INVS: variants seen among roughly 807,000 people sequenced by gnomAD.
The protein encoded by INVS is inversin, also known as inversion of embryo turning homolog.
Under a neutral mutation model 108.8 loss-of-function variants are expected in INVS, and 86 were observed. The observed-to-expected ratio is 0.79, with a 90% CI of 0.66 to 0.95. INVS has a LOEUF of 0.95. INVS is among the 40% of genes least tolerant of loss of function. INVS has a pLI of 0.00. For synonymous variants in INVS, 455 were observed against 473.5 expected (o/e 0.96, Z 0.51); for missense variants, 1,169 against 1,297.4 (o/e 0.90, Z 1.52).
chr9:100,242,537 A>G (rs1328194232), intron 6 of INVS, 33 bp from the exon 7 acceptor site: 2 of 1,070,630 alleles, frequency 1.9e-6, no homozygotes, highest in South Asian at 1.3e-5. Context: ...CATCCTTTAT[A>G]AGTGATAATT....
chr9:100,241,252 G>T (rs754545114), intron 6 of INVS, among the ~76,000 whole-genome samples: 1 of 151,310 alleles, frequency 6.6e-6, no homozygotes, highest in South Asian at 2.1e-4. Context: ...CTGGATTCTG[G>T]GCTTACTTGG....
chr9:100,195,707 C>T (rs1231144702), intron 3 of INVS, among the ~76,000 whole-genome samples: 2 of 152,084 alleles, frequency 1.3e-5, no homozygotes, highest in African/African-American at 4.8e-5. Context: ...AGGCTAGTCT[C>T]GAACTCCTAA....
In INVS at chr9:100,226,181, A is replaced by C; in HGVS notation, c.393A>C (p.Ala131=). 3 of 1,614,042 alleles carry C rather than the reference A, an allele frequency of 1.9e-6. No individual in the cohort carries two copies. Among genetic ancestry groups the C allele is most frequent in the Non-Finnish European group, 2.5e-6 (3 of 1,179,992 alleles). Residue 131 remains alanine, a synonymous_variant, in exon 4 of 17, where the codon GCA becomes GCC. Transcript: ENST00000262457. ...GGCACAGGAGCCCTAAGTGTTTGGC[A>C]CTTCTGCTGAAGTTTATGGCACCAG... is the stretch of plus-strand genomic sequence containing the variant. ...TTRHRSPKCL[A]LLLKFMAPGE...
intron 11 of INVS, among the ~76,000 whole-genome samples, chr9:100,267,665 A>G (rs1197690632): frequency 1.3e-5 from 2 of 152,248 alleles, no homozygotes; most frequent in African/African-American, 4.8e-5. Flanking sequence ...CCTGATGGGA[A>G]TATTCACAGC....
At chr9:100,256,092 GC>G (rs1029324839) in intron 10 of INVS, among the ~76,000 whole-genome samples, 1 of 152,070 alleles carries the variant, frequency 6.6e-6, no homozygotes, top group Non-Finnish European at 1.5e-5. Flanking sequence ...CAATTTCGGA[GC>G]CTGTTATTGG....
At chr9:100,187,943 CA>C (rs1308808523) in intron 3 of INVS, among the ~76,000 whole-genome samples, 5 of 152,076 alleles carry the variant, frequency 3.3e-5, no homozygotes, top group Non-Finnish European at 7.4e-5. Context: ...GCAGCTATTT[CA>C]AAAGGGATTT....
chr9:100,218,475 G>A (rs1344706192), intron 3 of INVS, among the ~76,000 whole-genome samples: 5 of 152,014 alleles, frequency 3.3e-5, no homozygotes, highest in African/African-American at 7.2e-5. Context: ...AAGGCCCCAG[G>A]GAGACAGATA....
chr9:100,262,417 A>C (rs1465965179), intron 10 of INVS, among the ~76,000 whole-genome samples: 1 of 151,940 alleles, frequency 6.6e-6, no homozygotes, highest in African/African-American at 2.4e-5. Context: ...AGATTTTCTA[A>C]TTATTTTTCT....
At chr9:100,100,749 CATATAATATATATAATATATGT>C (rs1826856955) in intron 1 of INVS, among the ~76,000 whole-genome samples, 2 of 8,840 alleles carry the variant, frequency 2.3e-4, no homozygotes, top group Non-Finnish European at 2.9e-4. Context: ...ATTATATGTA[CATATAATATATATAATATATGT>C]ATATATAATA....
chr9:100,272,536 A>G (rs1189222449), intron 11 of INVS, among the ~76,000 whole-genome samples: 2 of 152,122 alleles, frequency 1.3e-5, no homozygotes, highest in Non-Finnish European at 2.9e-5. Flanking sequence ...ACCTTTTTAG[A>G]TGGGGCAGGG....
intron 2 of INVS, chr9:100,117,773 T>C (rs1827591924): frequency 2.0e-6 from 1 of 498,720 alleles, no homozygotes; most frequent in Non-Finnish European, 3.5e-6. Context: ...CCAAAATTCA[T>C]ATGTTTGAAA....
rs953691019 is a variant in INVS at position 100,239,940 on chromosome 9, A to T, written c.616-120A>T. ...GCTGTGATCATGCCACTGTACTCCA[A>T]CCTGGGTGACAGAACAAGACCCTGT... On this transcript the variant is annotated intron_variant, in intron 5 of 16. Coordinates refer to ENST00000262457, the MANE Select transcript of INVS (RefSeq NM_014425.5). The T allele has an allele frequency of 5.5e-6, 5 of 905,738 alleles. No individual in the cohort carries two copies. The African/African-American group carries it at 8.2e-5, about 15-fold the overall frequency. 56.1% of individuals were successfully genotyped at this position (905,738 alleles called of 1,614,324 possible).
At chr9:100,261,557 G>A (rs112908615) in intron 10 of INVS, among the ~76,000 whole-genome samples, 227 of 152,088 alleles carry the variant, frequency 1.5e-3, no homozygotes, top group Non-Finnish European at 2.4e-3. Flanking sequence ...ATGAGCCACC[G>A]CACCTGGGAG....
chr9:100,208,496 GA>G (rs1187844381), intron 3 of INVS, among the ~76,000 whole-genome samples: 1 of 152,176 alleles, frequency 6.6e-6, no homozygotes, highest in African/African-American at 2.4e-5. Context: ...AACTGAAGTA[GA>G]GAAGGCAAAA....
At chr9:100,176,723 G>A (rs551026459) in intron 3 of INVS, among the ~76,000 whole-genome samples, 11 of 152,132 alleles carry the variant, frequency 7.2e-5, no homozygotes, top group Admixed American at 4.6e-4. Context: ...TGATCCGCCC[G>A]CCTCAGCCTC....
intron 2 of INVS, 90 bp from the exon 3 acceptor site, chr9:100,126,293 C>A: frequency 9.8e-7 from 1 of 1,023,580 alleles, no homozygotes; most frequent in Non-Finnish European, 1.5e-6. Context: ...GCATTTAGCA[C>A]AATGTTTGAT....
chr9:100,264,893 T>G lies in INVS; in HGVS notation c.1536T>G (p.Ala512=), dbSNP rs1476847012. The stretch of plus-strand genomic sequence containing the variant: ...CCATTAAATTACTGCTAGACTTTGC[T>G]GCTTTCCCTAATCAGATGGAAAACA... ...LDAIKLLLDF[A]AFPNQMENNE... The change falls in exon 11 of 17, where the codon GCT becomes GCG. Residue 512 remains alanine (A), a synonymous_variant. Coordinates refer to ENST00000262457, the MANE Select transcript of INVS (RefSeq NM_014425.5). 1 of 1,613,654 alleles carries G rather than the reference T, an allele frequency of 6.2e-7. No homozygotes were observed. The highest frequency in any genetic ancestry group is 1.1e-5 in the South Asian group (1 of 91,082).
chr9:100,175,277 A>C, intron 3 of INVS: 2 of 658,406 alleles, frequency 3.0e-6, no homozygotes, highest in Non-Finnish European at 5.6e-6. Context: ...GCCCAAAACA[A>C]ACTATCCATC....
intron 1 of INVS, among the ~76,000 whole-genome samples, chr9:100,100,965 A>C (rs1276717364): frequency 7.0e-5 from 1 of 14,382 alleles, no homozygotes; most frequent in African/African-American, 2.6e-4. Flanking sequence ...TTATATATAT[A>C]ATATATATTA....
Sources: gnomAD v4.1 joint callset for allele counts (sites outside exome capture counted in the v4.1 genomes callset) on GRCh38, gnomAD v4.1.1 for gene constraint, MANE v1.5 for transcripts, NCBI Gene and HGNC (gene_info 2026-07-23, HGNC 2026-07-21) for gene names.